GLI2: variants seen among roughly 807,000 people sequenced by gnomAD.
GLI2 encodes transcription activator GLI2.
Under a neutral mutation model 78.9 loss-of-function variants are expected in GLI2, and 22 were observed. The observed-to-expected ratio is 0.28, with a 90% CI of 0.20 to 0.40. The LOEUF (loss-of-function observed/expected upper bound fraction) is 0.40, where lower values mean the gene tolerates loss of function less well. Among genes scored for constraint, GLI2 ranks in the 10% least tolerant of loss-of-function variants. GLI2 has a pLI of 1.00. For missense variants in GLI2, 2,097 were observed against 2,213.2 expected (o/e 0.95, Z 1.05); for synonymous variants, 974 against 963.7 (o/e 1.01, Z -0.20).
chr2:120,924,944 T>A (rs1402817857), intron 2 of GLI2, among the ~76,000 whole-genome samples: 2 of 152,230 alleles, frequency 1.3e-5, no homozygotes, highest in Non-Finnish European at 2.9e-5. Context: ...CACAGCCATG[T>A]AGGTAGTTAC....
intron 2 of GLI2, among the ~76,000 whole-genome samples, chr2:120,905,582 T>C (rs983823280): frequency 2.6e-5 from 4 of 152,144 alleles, no homozygotes; most frequent in Non-Finnish European, 4.4e-5. Flanking sequence ...TGGGATGAGT[T>C]CTCTGTGTCT....
chr2:120,864,029 G>C (rs1688018252), intron 2 of GLI2, among the ~76,000 whole-genome samples: 1 of 152,192 alleles, frequency 6.6e-6, no homozygotes, highest in East Asian at 1.9e-4. Context: ...AATTCCCAAG[G>C]GCAGTCACTG....
At chr2:120,955,605 G>A (rs1283267624) in intron 5 of GLI2, among the ~76,000 whole-genome samples, 175 bp downstream of exon 5, 1 of 152,220 alleles carries the variant, frequency 6.6e-6, no homozygotes, top group African/African-American at 2.4e-5. Flanking sequence ...AACACTTACT[G>A]AGTCACCACA....
At chr2:120,782,173 G>T (rs1181764876) in intron 1 of GLI2, among the ~76,000 whole-genome samples, 2 of 152,224 alleles carry the variant, frequency 1.3e-5, no homozygotes, top group African/African-American at 2.4e-5. Flanking sequence ...AACATGTGGG[G>T]TGTTGTCAGG....
chr2:120,940,909 C>G (rs1277821727), intron 3 of GLI2, among the ~76,000 whole-genome samples: 1 of 152,214 alleles, frequency 6.6e-6, no homozygotes, highest in Admixed American at 6.5e-5. Flanking sequence ...CTGGCCGGGT[C>G]TGTCTCAGAA....
At chr2:120,745,278 C>T (rs1682661508) in intron 1 of GLI2, among the ~76,000 whole-genome samples, 1 of 152,174 alleles carries the variant, frequency 6.6e-6, no homozygotes, top group Non-Finnish European at 1.5e-5. Context: ...AACTGCAGCG[C>T]CATCAGGATG....
chr2:120,880,938 G>A (rs1048384943), intron 2 of GLI2, among the ~76,000 whole-genome samples: 1 of 152,170 alleles, frequency 6.6e-6, no homozygotes, highest in Non-Finnish European at 1.5e-5. Context: ...CCACCAGGGA[G>A]CAAAATGTGA....
At chr2:120,935,522 G>C (rs1222593899) in intron 3 of GLI2, among the ~76,000 whole-genome samples, 1 of 152,182 alleles carries the variant, frequency 6.6e-6, no homozygotes, top group Non-Finnish European at 1.5e-5. Flanking sequence ...ACCAGCAGAG[G>C]AGCAGTAGCA....
At chr2:120,885,062 C>A (rs1677329395) in intron 2 of GLI2, among the ~76,000 whole-genome samples, 2 of 152,206 alleles carry the variant, frequency 1.3e-5, no homozygotes, top group Admixed American at 6.5e-5. Flanking sequence ...CCTCCCACCC[C>A]AACCTCACTG....
intron 1 of GLI2, among the ~76,000 whole-genome samples, chr2:120,768,305 AGAG>A (rs1178709645): frequency 3.9e-5 from 6 of 152,306 alleles, no homozygotes; most frequent in Admixed American, 6.5e-5. Flanking sequence ...ACTGAGCCAG[AGAG>A]GAGAAGCGCC....
chr2:120,883,343 C>T (rs1004019111), intron 2 of GLI2, among the ~76,000 whole-genome samples: 10 of 152,010 alleles, frequency 6.6e-5, no homozygotes, highest in Admixed American at 5.9e-4. Context: ...AAAAATTAGC[C>T]GAGCATGGTG....
At chr2:120,823,005 G>C (rs1685853981) in intron 2 of GLI2, among the ~76,000 whole-genome samples, 1 of 152,126 alleles carries the variant, frequency 6.6e-6, no homozygotes, top group Non-Finnish European at 1.5e-5. Context: ...GAGACACCTG[G>C]ACAGGTGTGC....
chr2:120,746,802 T>C lies in GLI2; in HGVS notation c.-31+10517T>C, dbSNP rs80099115. On this transcript the variant is annotated intron_variant, in intron 1 of 13. Transcript: ENST00000361492. Reference sequence around the variant, plus strand: ...TGGTTAAATTTCCTGCTAGTCTCTGTTTTTTAATATAAAATTTTTTTTGCT... The same window carrying C: ...TGGTTAAATTTCCTGCTAGTCTCTGCTTTTTAATATAAAATTTTTTTTGCT... 3.1e-3 allele frequency among the ~76,000 whole-genome samples: 465 copies of C among 152,312 alleles called. 1 individual carries two copies. The highest frequency in any genetic ancestry group is 0.011 in the African/African-American group (437 of 41,572).
chr2:120,881,048 G>A (rs538396844), intron 2 of GLI2, among the ~76,000 whole-genome samples: 64 of 152,314 alleles, frequency 4.2e-4, no homozygotes, highest in African/African-American at 1.4e-3. Flanking sequence ...TAAAATGGGG[G>A]CAAGTCACTA....
intron 5 of GLI2, among the ~76,000 whole-genome samples, chr2:120,965,246 C>G (rs1681785415): frequency 1.3e-5 from 2 of 151,002 alleles, no homozygotes; most frequent in African/African-American, 4.9e-5. Flanking sequence ...CACACTCCAG[C>G]CAGGATGCAG....
chr2:120,764,933 G>A (rs1216618333), intron 1 of GLI2, among the ~76,000 whole-genome samples: 4 of 152,170 alleles, frequency 2.6e-5, no homozygotes, highest in African/African-American at 9.7e-5. Context: ...GTCTCTTGAG[G>A]AAATGGAGAG....
intron 5 of GLI2, among the ~76,000 whole-genome samples, chr2:120,968,314 G>A (rs1185111089): frequency 6.6e-6 from 1 of 152,144 alleles, no homozygotes; most frequent in Non-Finnish European, 1.5e-5. Context: ...TTGACCTGGG[G>A]CTGGCTTCCC....
chr2:120,870,829 C>T (rs926625140), intron 2 of GLI2, among the ~76,000 whole-genome samples: 2 of 152,168 alleles, frequency 1.3e-5, no homozygotes, highest in African/African-American at 4.8e-5. Context: ...CCTGCAGAAC[C>T]TGGCGTGTAA....
At chr2:120,948,636 G>C (rs1680829953) in intron 3 of GLI2, among the ~76,000 whole-genome samples, 1 of 152,172 alleles carries the variant, frequency 6.6e-6, no homozygotes, top group Admixed American at 6.5e-5. Flanking sequence ...AGTGGGACCT[G>C]GGTCACCTTG....
Sources: gnomAD v4.1 joint callset for allele counts (sites outside exome capture counted in the v4.1 genomes callset) on GRCh38, gnomAD v4.1.1 for gene constraint, MANE v1.5 for transcripts, NCBI Gene and HGNC (gene_info 2026-07-23, HGNC 2026-07-21) for gene names.